Variants in DDX19A observed in about 807,000 individuals in gnomAD.
DDX19A encodes the protein ATP-dependent RNA helicase DDX19A.
In DDX19A, 12 loss-of-function variants were observed where a neutral mutation model predicts 60.6. The observed-to-expected ratio is 0.20, with a 90% confidence interval of 0.13 to 0.32. The LOEUF (loss-of-function observed/expected upper bound fraction) is 0.32. Ranked by LOEUF, DDX19A falls within the 10% of genes least tolerant of loss-of-function variation. The pLI, the probability that DDX19A is intolerant of heterozygous loss-of-function variation, is 1.00. For missense variants in DDX19A, 337 were observed against 600.6 expected (o/e 0.56, Z 4.59); for synonymous variants, 206 against 218.2 (o/e 0.94, Z 0.49).
intron 4 of DDX19A, among the ~76,000 whole-genome samples, chr16:70,360,280 CA>C (rs570664065): frequency 3.2e-4 from 45 of 141,088 alleles, no homozygotes; most frequent in African/African-American, 8.8e-4. Flanking sequence ...GACTCCATCT[CA>C]AAAAAAAAAA....
intron 6 of DDX19A, 43 bp from the exon 7 acceptor site, chr16:70,364,974 C>G (rs1337212032): frequency 6.5e-7 from 1 of 1,537,428 alleles, no homozygotes; most frequent in Non-Finnish European, 9.0e-7. Context: ...GGTCTGTTAC[C>G]AAATGGCTCT....
At chr16:70,362,354 A>C (rs894270374) in intron 5 of DDX19A, among the ~76,000 whole-genome samples, 1 of 151,782 alleles carries the variant, frequency 6.6e-6, no homozygotes, top group Non-Finnish European at 1.5e-5. Flanking sequence ...AAAAAAAAAA[A>C]AAAAAAAACT....
chr16:70,356,883 G>T (rs1368797703), intron 4 of DDX19A: 1 of 1,275,920 alleles, frequency 7.8e-7, no homozygotes, highest in African/African-American at 1.6e-5. Context: ...GTGATTTCTG[G>T]ATGTCAGGAA....
chr16:70,348,682 G>A (rs1042889941), intron 1 of DDX19A, among the ~76,000 whole-genome samples: 1 of 147,552 alleles, frequency 6.8e-6, no homozygotes, highest in Non-Finnish European at 1.5e-5. Context: ...GCTCACACCT[G>A]TAATCCTAGC....
intron 3 of DDX19A, chr16:70,355,810 A>C: frequency 1.7e-6 from 1 of 572,140 alleles, no homozygotes; most frequent in Non-Finnish European, 3.1e-6. Context: ...AAAGATTTCA[A>C]AATGAGCTGG....
chr16:70,347,467 T>C (rs1963869705), intron 1 of DDX19A, among the ~76,000 whole-genome samples: 2 of 152,234 alleles, frequency 1.3e-5, no homozygotes, highest in South Asian at 2.1e-4. Context: ...AATAACAGAT[T>C]GACTTTTGGA....
At chr16:70,365,204 G>C (rs1964483651) in intron 7 of DDX19A, 73 bp downstream of exon 7, 3 of 1,001,382 alleles carry the variant, frequency 3.0e-6, no homozygotes, top group Admixed American at 3.8e-5. Context: ...AAGATGCGAT[G>C]ACCGTATTCA....
chr16:70,361,637 G>T, intron 5 of DDX19A, 127 bp downstream of exon 5: 1 of 667,994 alleles, frequency 1.5e-6, no homozygotes, highest in Non-Finnish European at 2.6e-6. Context: ...TACAGCTTAG[G>T]CAAGTGCAGA....
intron 11 of DDX19A, 77 bp downstream of exon 11, chr16:70,371,640 G>T: frequency 1.3e-6 from 1 of 759,460 alleles, no homozygotes; most frequent in Non-Finnish European, 2.1e-6. Flanking sequence ...AGGATCTTCT[G>T]TAGCCCCAAG....
At chr16:70,362,547 C>G (rs1441561012) in intron 5 of DDX19A, among the ~76,000 whole-genome samples, 1 of 152,046 alleles carries the variant, frequency 6.6e-6, no homozygotes, top group South Asian at 2.1e-4. Context: ...CCCCTGAATT[C>G]CCCTCCTTCC....
intron 4 of DDX19A, among the ~76,000 whole-genome samples, chr16:70,357,869 T>A (rs1480945628): frequency 6.6e-6 from 1 of 152,146 alleles, no homozygotes; most frequent in Non-Finnish European, 1.5e-5. Flanking sequence ...ATGGATTCTT[T>A]GCCTTAGTTC....
chr16:70,357,681 G>A (rs1328405554), intron 4 of DDX19A, among the ~76,000 whole-genome samples: 2 of 151,976 alleles, frequency 1.3e-5, no homozygotes. Flanking sequence ...ACTGTGCCCG[G>A]CCTTACGTTT....
intron 2 of DDX19A, among the ~76,000 whole-genome samples, chr16:70,352,283 CTTTTTTT>C (rs58812314): frequency 7.4e-6 from 1 of 135,340 alleles, no homozygotes; most frequent in Non-Finnish European, 1.6e-5. Context: ...TCATCCATGT[CTTTTTTT>C]TTTTTTTTTT....
chr16:70,371,584 T>G (rs1389049564), intron 11 of DDX19A, 21 bp downstream of exon 11: 1 of 1,307,472 alleles, frequency 7.6e-7, no homozygotes, highest in South Asian at 1.5e-5. Flanking sequence ...GGGAGGGTCC[T>G]GTGCCTGGCG....
chr16:70,371,809 G>A, intron 11 of DDX19A, 116 bp from the exon 12 acceptor site: 6 of 1,462,948 alleles, frequency 4.1e-6, no homozygotes, highest in Non-Finnish European at 5.7e-6. Flanking sequence ...GTGACTAGGG[G>A]CCCTGCTGCC....
rs1597546029 is a variant in DDX19A at position 70,372,274 on chromosome 16, A to AG, written c.*290dup. ...GGTCACAGTGGTAGTCGCTGGCCCCAGGACCCCCTCCTGATTTTGGCTAGG... is the reference window on the plus strand; with the variant it reads ...GGTCACAGTGGTAGTCGCTGGCCCCAGGGACCCCCTCCTGATTTTGGCTAGG... On this transcript the variant is annotated 3_prime_UTR_variant, in exon 12 of 12. Coordinates refer to ENST00000302243, the MANE Select transcript of DDX19A (RefSeq NM_018332.5). 3.2e-5 allele frequency: 16 copies of AG among 503,806 alleles called. 1 individual carries two copies. The East Asian group carries it at 5.8e-4, about 18-fold the overall frequency. 31.2% of individuals were successfully genotyped at this position (503,806 alleles called of 1,614,324 possible).
chr16:70,352,173 TTC>T (rs1270179236), intron 2 of DDX19A, among the ~76,000 whole-genome samples: 1 of 151,478 alleles, frequency 6.6e-6, no homozygotes, highest in Non-Finnish European at 1.5e-5. Flanking sequence ...GATTCTCATA[TTC>T]TCTCTCTCAA....
At position 70,356,423 on chromosome 16, in the gene DDX19A, C is replaced by A. The variant is rs878904353; in HGVS notation, c.293+176C>A. Among the ~76,000 whole-genome samples, 4 of 151,848 alleles carry A rather than the reference C, an allele frequency of 2.6e-5. No homozygotes were observed. The South Asian group carries it at 8.3e-4, about 32-fold the overall frequency. ...CCAGCCTGGAGTGCAATGGCGTGATCTCAGCTCACTGCAGCCTCTGCCTCC... is the reference window on the plus strand; with the variant it reads ...CCAGCCTGGAGTGCAATGGCGTGATATCAGCTCACTGCAGCCTCTGCCTCC... On this transcript the variant is annotated intron_variant, in intron 4 of 11. Coordinates refer to ENST00000302243, the MANE Select transcript of DDX19A (RefSeq NM_018332.5).
rs1436990730 is a variant in DDX19A at position 70,373,326 on chromosome 16, TTTG to T, written c.*1343_*1345del. 3 of 152,206 alleles carry T rather than the reference TTTG, an allele frequency of 2.0e-5. No individual in the cohort carries two copies. The highest frequency in any genetic ancestry group is 4.8e-5 in the African/African-American group (2 of 41,460). The allele number at this position is 152,206 out of a possible 1,614,324, so 9.4% of individuals were successfully genotyped here. On this transcript the variant is annotated 3_prime_UTR_variant, in exon 12 of 12. Coordinates refer to ENST00000302243, the MANE Select transcript of DDX19A (RefSeq NM_018332.5). ...ATTATGAGAAACGCTCTACTAATGA[TTTG>T]TTTTTATTTGTATTTTTCTGCTTAT...
Sources: gnomAD v4.1 joint callset for allele counts (sites outside exome capture counted in the v4.1 genomes callset) on GRCh38, gnomAD v4.1.1 for gene constraint, MANE v1.5 for transcripts, NCBI Gene and HGNC (gene_info 2026-07-23, HGNC 2026-07-21) for gene names.